MCF2: variants seen among roughly 807,000 people sequenced by gnomAD.
The protein encoded by MCF2 is proto-oncogene DBL.
In MCF2, 44 loss-of-function variants were observed where a neutral mutation model predicts 82.5. That is an observed-to-expected ratio of 0.53 (90% CI 0.42 to 0.69). The LOEUF is 0.69. Ranked by LOEUF, MCF2 falls within the 30% of genes least tolerant of loss-of-function variation. MCF2 has a pLI of 0.00. For synonymous variants in MCF2, 217 were observed against 224.9 expected (o/e 0.96, Z 0.32); for missense variants, 623 against 663.1 (o/e 0.94, Z 0.66).
At chrX:139,584,865 T>C (rs748073077) in intron 24 of MCF2, among the ~76,000 whole-genome samples, 29 of 111,592 alleles carry the variant, frequency 2.6e-4, no homozygotes, top group Non-Finnish European at 3.6e-4. Context: ...CAGCAGAAGC[T>C]CTATGTATAG....
chrX:139,695,230 A>G (rs1387935048), intron 1 of MCF2, among the ~76,000 whole-genome samples: 2 of 110,167 alleles, frequency 1.8e-5, no homozygotes, highest in African/African-American at 3.3e-5. Context: ...GGGTTTTGCC[A>G]TGTTGGCCAA....
At chrX:139,631,761 C>T (rs1012601333) in intron 2 of MCF2, among the ~76,000 whole-genome samples, 1 of 111,440 alleles carries the variant, frequency 9.0e-6, no homozygotes, top group African/African-American at 3.2e-5. Flanking sequence ...AATTTTCCTC[C>T]ATCTAAAAGT....
intron 1 of MCF2, among the ~76,000 whole-genome samples, chrX:139,702,062 A>G (rs1478573474): frequency 1.8e-5 from 2 of 111,578 alleles, no homozygotes; most frequent in Non-Finnish European, 3.8e-5. Context: ...TCCAGATTGT[A>G]TTCAGGTCTC....
intron 1 of MCF2, among the ~76,000 whole-genome samples, chrX:139,653,836 T>A (rs962198846): frequency 9.9e-5 from 11 of 110,845 alleles, no homozygotes; most frequent in African/African-American, 3.6e-4. Flanking sequence ...ACCAATCTAC[T>A]CTCTATCTTC....
In MCF2 at chrX:139,617,779, A is replaced by C. The variant is rs1032336504; in HGVS notation, c.808-75T>G. On this transcript the variant is annotated intron_variant, in intron 7 of 24. Coordinates refer to ENST00000370576, the Ensembl canonical transcript of MCF2. ...TAGAGAAAAAAAGAAGAAAATAATT[A>C]AGAAGCAAAATGTTTGAGCAAGAAG... The C allele has an allele frequency of 4.7e-6, 3 of 636,465 alleles. No homozygotes were observed. The African/African-American group carries it at 6.9e-5, about 15-fold the overall frequency. 52.5% of individuals were successfully genotyped at this position (636,465 alleles called of 1,213,427 possible).
chrX:139,624,821 A>T (rs1385620125), intron 6 of MCF2, among the ~76,000 whole-genome samples: 1 of 111,612 alleles, frequency 9.0e-6, no homozygotes, highest in African/African-American at 3.3e-5. Flanking sequence ...TATCCCTATT[A>T]CTAGAAAAAA....
chrX:139,620,025 GTGTA>G (rs1227636449), intron 6 of MCF2, among the ~76,000 whole-genome samples: 2,233 of 100,619 alleles, frequency 0.022, 69 homozygotes, highest in African/African-American at 0.083. Context: ...GTGTGTGTGT[GTGTA>G]TATATATATA....
At chrX:139,582,045 CA>C (rs926415635) in exon 25 of MCF2, 4 of 166,596 alleles carry the variant, frequency 2.4e-5, no homozygotes, top group Non-Finnish European at 3.4e-5. Flanking sequence ...ACAATGGGCA[CA>C]AAAGCTGTGG....
chrX:139,688,105 G>A (rs956112845), intron 1 of MCF2, among the ~76,000 whole-genome samples: 2 of 111,621 alleles, frequency 1.8e-5, no homozygotes, highest in Admixed American at 9.5e-5. Flanking sequence ...GGAAATCTAC[G>A]GAAAAGTTAG....
exon 1 of MCF2, chrX:139,642,486 C>CATCTTGCCT (rs1228124382): frequency 8.3e-7 from 1 of 1,211,563 alleles, no homozygotes; most frequent in East Asian, 3.0e-5. Context: ...TTCTGAACCT[C>CATCTTGCCT]ATCTTGCCTC....
rs6635894 is a variant in MCF2, at chrX:139,602,357, G to C, written c.1836+49C>G. ...AATGAATTTATAATTAAGAAATACCGCAATATCTTCCAGAAAGAATATATC... is the reference window on the plus strand; with the variant it reads ...AATGAATTTATAATTAAGAAATACCCCAATATCTTCCAGAAAGAATATATC... On this transcript the variant is annotated intron_variant, in intron 16 of 24. Coordinates refer to ENST00000370576, the Ensembl canonical transcript of MCF2. 3,421 of 911,572 alleles carry C rather than the reference G, an allele frequency of 3.8e-3. 67 individuals are homozygous for C. The African/African-American group carries it at 0.059, about 16-fold the overall frequency. The allele number at this position is 911,572 out of a possible 1,213,427, so 75.1% of individuals were successfully genotyped here. A position where few individuals can be genotyped will look rare whatever the true frequency, so the allele number is the denominator to read the frequency against.
chrX:139,682,177 G>A (rs1689604882), intron 1 of MCF2, among the ~76,000 whole-genome samples: 1 of 111,482 alleles, frequency 9.0e-6, no homozygotes, highest in Admixed American at 9.6e-5. Flanking sequence ...CAGCTGGTGG[G>A]AAGTGACAGT....
chrX:139,616,598 A>T (rs1603287294), intron 8 of MCF2, 125 bp from the exon 12 acceptor site: 1 of 157,327 alleles, frequency 6.4e-6, no homozygotes. Context: ...CAGAGCTGTT[A>T]AAAAAAAAAA....
intron 19 of MCF2, among the ~76,000 whole-genome samples, chrX:139,594,507 A>G (rs1340679254): frequency 9.1e-6 from 1 of 110,465 alleles, no homozygotes; most frequent in Non-Finnish European, 1.9e-5. Context: ...TGGTGCTGGG[A>G]AAACTGGCTA....
upstream of MCF2, among the ~76,000 whole-genome samples, chrX:139,644,962 T>G (rs1045637518): frequency 4.5e-5 from 5 of 111,105 alleles, no homozygotes; most frequent in African/African-American, 9.8e-5. Flanking sequence ...AGCCTAAAAG[T>G]GTAAAAGATT....
At chrX:139,609,127 T>C (rs1386939988) in intron 11 of MCF2, among the ~76,000 whole-genome samples, 1 of 112,490 alleles carries the variant, frequency 8.9e-6, no homozygotes, top group Non-Finnish European at 1.9e-5. Context: ...ATATAGCCAG[T>C]AAGTGATGGA....
chrX:139,636,264 C>G (rs992999739), intron 1 of MCF2, among the ~76,000 whole-genome samples: 1 of 110,888 alleles, frequency 9.0e-6, no homozygotes, highest in Non-Finnish European at 1.9e-5. Context: ...GGAGTTAAGC[C>G]TTTCCTTTTT....
chrX:139,656,388 A>G (rs1934202281), intron 1 of MCF2, among the ~76,000 whole-genome samples: 1 of 112,542 alleles, frequency 8.9e-6, no homozygotes, highest in Non-Finnish European at 1.9e-5. Flanking sequence ...GGTACCCTAC[A>G]TTCTATGAGA....
intron 13 of MCF2, 33 bp downstream of exon 17, chrX:139,605,680 A>G: frequency 8.7e-7 from 1 of 1,154,013 alleles, no homozygotes; most frequent in Non-Finnish European, 1.2e-6. Flanking sequence ...TCATTCGGGA[A>G]AAGATAGGGC....
Sources: gnomAD v4.1 joint callset for allele counts (sites outside exome capture counted in the v4.1 genomes callset) on GRCh38, gnomAD v4.1.1 for gene constraint, MANE v1.5 for transcripts, NCBI Gene and HGNC (gene_info 2026-07-23, HGNC 2026-07-21) for gene names.